Variants in TACR1 observed in about 807,000 individuals in gnomAD.
The protein encoded by TACR1 is substance-P receptor.
A neutral mutation model predicts 35.8 loss-of-function variants in TACR1; 25 were observed. The observed-to-expected ratio is 0.70, with a 90% CI of 0.51 to 0.98. The LOEUF (loss-of-function observed/expected upper bound fraction) is 0.98, where lower values mean the gene tolerates loss of function less well. Ranked by LOEUF, TACR1 falls within the 50% of genes least tolerant of loss-of-function variation. The pLI is 0.00. For synonymous variants in TACR1, 195 were observed against 206.7 expected (o/e 0.94, Z 0.48); for missense variants, 478 against 522.9 (o/e 0.91, Z 0.84).
chr2:75,107,589 C>T (rs543284401), intron 2 of TACR1, among the ~76,000 whole-genome samples: 1 of 151,692 alleles, frequency 6.6e-6, no homozygotes, highest in African/African-American at 2.4e-5. Flanking sequence ...AGAAAGAAAA[C>T]TTGAAATACA....
intron 2 of TACR1, among the ~76,000 whole-genome samples, chr2:75,056,967 T>C (rs1014260235): frequency 6.6e-6 from 1 of 152,202 alleles, no homozygotes; most frequent in Non-Finnish European, 1.5e-5. Context: ...TATTTGAATC[T>C]GCACACAACA....
intron 1 of TACR1, among the ~76,000 whole-genome samples, chr2:75,138,804 A>G (rs544055187): frequency 1.4e-5 from 2 of 140,640 alleles, no homozygotes; most frequent in Admixed American, 7.2e-5. Context: ...CTGAGTACCT[A>G]TCAGAGCCAG....
chr2:75,192,333 C>T (rs761148553), intron 1 of TACR1, among the ~76,000 whole-genome samples: 11 of 152,046 alleles, frequency 7.2e-5, no homozygotes, highest in South Asian at 2.1e-4. Flanking sequence ...AAGCCTGCTA[C>T]GTGGAAGAGG....
At chr2:75,177,675 G>A (rs1675458711) in intron 1 of TACR1, among the ~76,000 whole-genome samples, 1 of 152,036 alleles carries the variant, frequency 6.6e-6, no homozygotes, top group Non-Finnish European at 1.5e-5. Context: ...CCACCCTACA[G>A]TCACTCCTCA....
intron 1 of TACR1, among the ~76,000 whole-genome samples, chr2:75,159,769 G>A (rs1674956221): frequency 6.6e-6 from 1 of 152,188 alleles, no homozygotes; most frequent in African/African-American, 2.4e-5. Context: ...GTGACTAGGA[G>A]TGCTTATACC....
At chr2:75,119,939 G>C (rs1673933619) in intron 2 of TACR1, among the ~76,000 whole-genome samples, 1 of 152,142 alleles carries the variant, frequency 6.6e-6, no homozygotes. Context: ...CATTACCCAG[G>C]CAGCTACCCG....
chr2:75,199,173 G>T lies in TACR1; in HGVS notation c.-239C>A, dbSNP rs202106777. The T allele has an allele frequency of 6.9e-5, 36 of 520,540 alleles. No homozygotes were observed. Among genetic ancestry groups the T allele is most frequent in the Non-Finnish European group, 1.0e-4 (30 of 292,582 alleles). 32.2% of individuals were successfully genotyped at this position (520,540 alleles called of 1,614,324 possible). On this transcript the variant is annotated 5_prime_UTR_variant, in exon 1 of 5. Coordinates refer to ENST00000305249, the MANE Select transcript of TACR1 (RefSeq NM_001058.4). ...CCTCCACTTTCAAGCTTCAGGAGAC[G>T]TTTGAGTTCAGAAGTCTGGAGACAG...
At chr2:75,118,108 A>T (rs1673899689) in intron 2 of TACR1, among the ~76,000 whole-genome samples, 2 of 152,190 alleles carry the variant, frequency 1.3e-5, no homozygotes, top group Non-Finnish European at 1.5e-5. Context: ...TCTGGTTTCA[A>T]ATTTGGGATT....
At chr2:75,140,063 A>G (rs552037894) in intron 1 of TACR1, among the ~76,000 whole-genome samples, 5 of 152,242 alleles carry the variant, frequency 3.3e-5, no homozygotes, top group Non-Finnish European at 7.3e-5. Flanking sequence ...TGAAGCAGTC[A>G]TTTTCTGGGT....
intron 1 of TACR1, among the ~76,000 whole-genome samples, chr2:75,144,471 G>T (rs1262023902): frequency 1.3e-5 from 2 of 152,144 alleles, no homozygotes; most frequent in East Asian, 3.8e-4. Flanking sequence ...ATAGAGAAAT[G>T]ATCCTAACTT....
chr2:75,061,368 C>A (rs1415706279), intron 2 of TACR1, among the ~76,000 whole-genome samples: 3 of 151,914 alleles, frequency 2.0e-5, no homozygotes, highest in Non-Finnish European at 4.4e-5. Flanking sequence ...CCAGGTGAGT[C>A]GAGTGGGAAG....
At chr2:75,144,332 G>A (rs537364434) in intron 1 of TACR1, among the ~76,000 whole-genome samples, 77 of 152,304 alleles carry the variant, frequency 5.1e-4, no homozygotes, top group Non-Finnish European at 9.1e-4. Context: ...GTTCTCTTTG[G>A]TGCAGATGCC....
At chr2:75,080,702 G>T (rs4853102) in intron 2 of TACR1, among the ~76,000 whole-genome samples, 3 of 152,200 alleles carry the variant, frequency 2.0e-5, no homozygotes, top group South Asian at 2.1e-4. Context: ...TCCAGGCAGG[G>T]TTAGCAGATC....
chr2:75,056,714 CG>C (rs1343577224), intron 2 of TACR1, among the ~76,000 whole-genome samples: 1 of 152,118 alleles, frequency 6.6e-6, no homozygotes, highest in Non-Finnish European at 1.5e-5. Context: ...AAGATAAATA[CG>C]TAAACATAAT....
At position 75,198,859 on chromosome 2, in the gene TACR1, C is replaced by T; in HGVS notation, c.76G>A (p.Val26Met). ...AGGACAATTTGCCAGGCTGGTTGCA[C>T]GAACTGATTGGGTTCCGAGGTGTTA... ...STNTSEPNQF[V>M]QPAWQIVLWA... Residue 26 changes from valine (V) to methionine (M), a missense_variant, in exon 1 of 5, where the codon GTG becomes ATG. Physicochemically the swap from Val to Met is conservative, Grantham distance 21 (BLOSUM62 1). Transcript: ENST00000305249. The T allele has an allele frequency of 1.2e-6, 2 of 1,614,088 alleles. No homozygotes were observed. Among genetic ancestry groups the T allele is most frequent in the Non-Finnish European group, 1.7e-6 (2 of 1,180,036 alleles).
At chr2:75,077,097 A>AAGCTT (rs1483179334) in intron 2 of TACR1, among the ~76,000 whole-genome samples, 2 of 152,058 alleles carry the variant, frequency 1.3e-5, no homozygotes, top group Non-Finnish European at 2.9e-5. Flanking sequence ...CAGCCTCCTG[A>AAGCTT]GTAGCTTGGA....
At chr2:75,172,779 G>T (rs1675321817) in intron 1 of TACR1, among the ~76,000 whole-genome samples, 1 of 152,126 alleles carries the variant, frequency 6.6e-6, no homozygotes, top group Non-Finnish European at 1.5e-5. Context: ...TTGGAGGCTA[G>T]AAGTCCAAGG....
chr2:75,055,286 A>AT (rs1456559633), intron 2 of TACR1, among the ~76,000 whole-genome samples: 1 of 152,242 alleles, frequency 6.6e-6, no homozygotes, highest in Non-Finnish European at 1.5e-5. Context: ...GCATTTGAAG[A>AT]TACTCAAAGA....
intron 2 of TACR1, chr2:75,118,919 T>C (rs1437658755): frequency 6.6e-6 from 1 of 152,230 alleles, no homozygotes; most frequent in Non-Finnish European, 1.5e-5. Flanking sequence ...CGCTGGGACC[T>C]TGCTCAGGCT....
Sources: allele counts gnomAD v4.1 joint callset (sites outside exome capture counted in the v4.1 genomes callset), GRCh38; gene constraint gnomAD v4.1.1; transcripts MANE v1.5; gene names NCBI Gene and HGNC (gene_info 2026-07-23, HGNC 2026-07-21).